The following DOCK5 variants were observed in gnomAD, a reference collection of about 807,000 sequenced individuals.
DOCK5 encodes the protein dedicator of cytokinesis 5, also known as dedicator of cytokinesis protein 5.
A neutral mutation model predicts 251.8 loss-of-function variants in DOCK5; 142 were observed. That is an observed-to-expected ratio of 0.56 (90% confidence interval 0.49 to 0.65). The LOEUF (loss-of-function observed/expected upper bound fraction) is 0.65. DOCK5 is among the 30% of genes least tolerant of loss of function. DOCK5 has a pLI of 0.00. For synonymous variants in DOCK5, 842 were observed against 835.5 expected (o/e 1.01, Z -0.13); for missense variants, 2,111 against 2,312.3 (o/e 0.91, Z 1.79).
chr8:25,271,008 A>C, intron 3 of DOCK5: 1 of 444,774 alleles, frequency 2.2e-6, no homozygotes, highest in Non-Finnish European at 4.0e-6. Context: ...ACCTCTGCTT[A>C]CTTTTTTTTT....
chr8:25,241,827 A>G (rs1458892611), intron 1 of DOCK5, among the ~76,000 whole-genome samples: 10 of 152,194 alleles, frequency 6.6e-5, no homozygotes, highest in Non-Finnish European at 1.0e-4. Flanking sequence ...CAACCATAAA[A>G]AAAGGATGAG....
At chr8:25,191,959 G>A (rs1020026141) in intron 1 of DOCK5, among the ~76,000 whole-genome samples, 10 of 125,626 alleles carry the variant, frequency 8.0e-5, no homozygotes, top group South Asian at 4.9e-4. Context: ...GATGTTCCCC[G>A]TCCTGTGTCC....
chr8:25,387,864 C>G (rs554564039), intron 40 of DOCK5, among the ~76,000 whole-genome samples: 1 of 152,122 alleles, frequency 6.6e-6, no homozygotes, highest in African/African-American at 2.4e-5. Flanking sequence ...TCTTTCCAGT[C>G]GAGCTAATTC....
intron 17 of DOCK5, 134 bp downstream of exon 17, chr8:25,324,085 C>A: frequency 9.9e-7 from 1 of 1,010,610 alleles, no homozygotes; most frequent in Non-Finnish European, 1.4e-6. Context: ...CATCTAGAAA[C>A]CCAGAGGGCT....
intron 2 of DOCK5, among the ~76,000 whole-genome samples, chr8:25,257,657 G>T (rs1157381527): frequency 2.0e-5 from 3 of 152,098 alleles, no homozygotes; most frequent in Non-Finnish European, 4.4e-5. Flanking sequence ...TTACCCAGTG[G>T]TCTCGTTGCT....
intron 40 of DOCK5, among the ~76,000 whole-genome samples, chr8:25,388,650 A>G (rs1801204702): frequency 1.3e-5 from 2 of 152,272 alleles, no homozygotes; most frequent in Admixed American, 6.5e-5. Flanking sequence ...TGGTCCACAA[A>G]TTGTTGCTGG....
At chr8:25,376,351 G>T in intron 37 of DOCK5, 1 of 985,198 alleles carries the variant, frequency 1.0e-6, no homozygotes, top group Non-Finnish European at 1.2e-6. Flanking sequence ...TTCACATTTT[G>T]CTTATTGGTA....
In DOCK5 at chr8:25,310,421, T is replaced by G; in HGVS notation, c.1207T>G (p.Leu403Val). Reference sequence around the variant, plus strand: ...TTTCTTTTAAGGCCTTTGGGTATCCTTGAAGCTCTTGCCCGGTGACCTCAC... The same window carrying G: ...TTTCTTTTAAGGCCTTTGGGTATCCGTGAAGCTCTTGCCCGGTGACCTCAC... Reference protein sequence around the residue: ...NHKGQGLWVSLKLLPGDLTQV... With the variant: ...NHKGQGLWVSVKLLPGDLTQV... Residue 403 changes from leucine (L) to valine (V), a missense_variant, in exon 13 of 52, where the codon TTG (leucine) becomes GTG (valine). Transcript: ENST00000276440. The G allele has an allele frequency of 6.2e-7, 1 of 1,612,868 alleles. No homozygotes were observed. The highest frequency in any genetic ancestry group is 8.5e-7 in the Non-Finnish European group (1 of 1,179,596).
intron 1 of DOCK5, among the ~76,000 whole-genome samples, chr8:25,208,557 C>T (rs1802056148): frequency 6.6e-6 from 1 of 152,154 alleles, no homozygotes; most frequent in Non-Finnish European, 1.5e-5. Flanking sequence ...AATTAAGAGT[C>T]CTTGAAGGCT....
chr8:25,298,055 T>G (rs1481787532), intron 7 of DOCK5, among the ~76,000 whole-genome samples: 1 of 141,172 alleles, frequency 7.1e-6, no homozygotes, highest in African/African-American at 2.7e-5. Context: ...AGACCCTGCC[T>G]CTTAAAAAAA....
In DOCK5 at chr8:25,369,612, C is replaced by T. The variant is rs149061322; in HGVS notation, c.3495C>T (p.Asp1165=). The change falls in exon 34 of 52, where the codon GAC becomes GAT. Residue 1165 remains aspartate, a synonymous_variant. Coordinates refer to ENST00000276440, the MANE Select transcript of DOCK5 (RefSeq NM_024940.8). ...LDQEVEGGRG[D]EQYKVLLEKL... is the part of the protein sequence containing the mutation. ...AGGAGGTAGAAGGGGGCAGAGGAGA[C>T]GAACAATACAAGGTTCTTCTGGAAA... 2.6e-5 allele frequency: 42 copies of T among 1,610,802 alleles called. No homozygotes were observed. Among genetic ancestry groups the T allele is most frequent in the South Asian group, 4.4e-5 (4 of 90,244 alleles).
chr8:25,408,153 TG>T lies in DOCK5; in HGVS notation c.5265+1del. ...GAGAAAGCACCAGAACCCGATTTGA[TG>T]GTAAAAAACAGAAAAGAAAAAAAGA... is the stretch of plus-strand genomic sequence containing the variant. ...IAEKAPEPDL[M>X]SPTRKAQRPK... On this transcript the variant is annotated frameshift_variant and splice_region_variant, in exon 49 of 52. Transcript: ENST00000276440. LOFTEE classifies it high-confidence loss of function. 1.3e-6 allele frequency: 2 copies of T among 1,575,438 alleles called. No homozygotes were observed. Among genetic ancestry groups the T allele is most frequent in the Non-Finnish European group, 1.7e-6 (2 of 1,160,954 alleles).
chr8:25,271,921 G>A (rs1033519757), intron 3 of DOCK5, among the ~76,000 whole-genome samples: 1 of 152,124 alleles, frequency 6.6e-6, no homozygotes, highest in Admixed American at 6.5e-5. Flanking sequence ...GTGTCATCAT[G>A]GAAAGGTGAA....
At chr8:25,291,477 G>T (rs1804484690) in intron 5 of DOCK5, among the ~76,000 whole-genome samples, 1 of 151,900 alleles carries the variant, frequency 6.6e-6, no homozygotes, top group South Asian at 2.1e-4. Context: ...GAGGTCAGGA[G>T]TTCGAGACCA....
At chr8:25,217,410 G>A (rs994242527) in intron 1 of DOCK5, among the ~76,000 whole-genome samples, 1 of 152,014 alleles carries the variant, frequency 6.6e-6, no homozygotes, top group Admixed American at 6.6e-5. Flanking sequence ...GAAGTTAGGG[G>A]TTTGAGTCAC....
At chr8:25,202,267 C>G (rs1455712602) in intron 1 of DOCK5, among the ~76,000 whole-genome samples, 2 of 152,188 alleles carry the variant, frequency 1.3e-5, no homozygotes, top group African/African-American at 4.8e-5. Flanking sequence ...ATCCACCTGC[C>G]TCGGCCTCCC....
At chr8:25,395,277 G>A (rs2117325836) in intron 44 of DOCK5, among the ~76,000 whole-genome samples, 1 of 152,264 alleles carries the variant, frequency 6.6e-6, no homozygotes, top group Admixed American at 6.5e-5. Flanking sequence ...TGCGAGCGAT[G>A]GAGAGTGGCT....
intron 37 of DOCK5, chr8:25,375,711 C>G: frequency 1.0e-6 from 1 of 984,472 alleles, no homozygotes; most frequent in Non-Finnish European, 1.2e-6. Context: ...TGGGCATTGT[C>G]CGAACATATG....
intron 18 of DOCK5, among the ~76,000 whole-genome samples, 177 bp downstream of exon 18, chr8:25,325,724 C>T (rs1805548596): frequency 1.3e-5 from 2 of 152,188 alleles, no homozygotes; most frequent in Non-Finnish European, 2.9e-5. Context: ...GATCACATTG[C>T]ACAGCCTCTT....
Sources: allele counts gnomAD v4.1 joint callset (sites outside exome capture counted in the v4.1 genomes callset), GRCh38; gene constraint gnomAD v4.1.1; transcripts MANE v1.5; gene names NCBI Gene and HGNC (gene_info 2026-07-23, HGNC 2026-07-21).